The following ADAMTSL3 variants were observed in gnomAD, a reference collection of about 807,000 sequenced individuals.
The protein encoded by ADAMTSL3 is ADAMTS-like protein 3.
A neutral mutation model predicts 201.7 loss-of-function variants in ADAMTSL3; 128 were observed. The ratio of observed to expected loss-of-function variants is 0.63; its 90% CI spans 0.55 to 0.73. The LOEUF is 0.73. Ranked by LOEUF, ADAMTSL3 falls within the 30% of genes least tolerant of loss-of-function variation. The pLI, the probability that ADAMTSL3 is intolerant of heterozygous loss-of-function variation, is 0.00. For missense variants in ADAMTSL3, 1,990 were observed against 2,119.6 expected, an observed-to-expected ratio of 0.94 and a Z score of 1.20; for synonymous variants, 738 against 748.4, an observed-to-expected ratio of 0.99 and a Z score of 0.23.
chr15:84,002,273 T>C (rs1442904854), intron 23 of ADAMTSL3, among the ~76,000 whole-genome samples: 1 of 152,184 alleles, frequency 6.6e-6, no homozygotes, highest in Non-Finnish European at 1.5e-5. Context: ...ACCTTGTGCT[T>C]TGGCTTATGG....
intron 3 of ADAMTSL3, among the ~76,000 whole-genome samples, chr15:83,721,057 A>G (rs1162356014): frequency 6.6e-6 from 1 of 152,252 alleles, no homozygotes; most frequent in Admixed American, 6.5e-5. Context: ...CCCCAGGTTC[A>G]GATGATGAGT....
chr15:83,759,012 A>G (rs1226496642), intron 3 of ADAMTSL3, among the ~76,000 whole-genome samples: 1 of 152,104 alleles, frequency 6.6e-6, no homozygotes. Flanking sequence ...GTGTTCTGGC[A>G]TTAGATGTTG....
chr15:83,969,934 A>C (rs969231636), intron 19 of ADAMTSL3, among the ~76,000 whole-genome samples: 1 of 152,196 alleles, frequency 6.6e-6, no homozygotes, highest in Non-Finnish European at 1.5e-5. Context: ...ACAAAAAACA[A>C]AAGGGAACTT....
intron 27 of ADAMTSL3, among the ~76,000 whole-genome samples, chr15:84,030,572 C>G (rs1434831625): frequency 6.6e-6 from 1 of 152,182 alleles, no homozygotes; most frequent in Non-Finnish European, 1.5e-5. Context: ...TTTCATGTTA[C>G]AGGCTCATAG....
chr15:83,850,973 G>T (rs897900186), intron 7 of ADAMTSL3, among the ~76,000 whole-genome samples: 4 of 152,148 alleles, frequency 2.6e-5, no homozygotes, highest in Non-Finnish European at 1.5e-5. Context: ...TCAAAATGTG[G>T]CTCACAGTCT....
At chr15:83,998,033 A>C (rs1480045276) in intron 23 of ADAMTSL3, among the ~76,000 whole-genome samples, 1 of 152,140 alleles carries the variant, frequency 6.6e-6, no homozygotes, top group African/African-American at 2.4e-5. Flanking sequence ...AGGAAGAAAA[A>C]AAAAAAACAA....
intron 3 of ADAMTSL3, among the ~76,000 whole-genome samples, chr15:83,769,492 T>C (rs2062943876): frequency 1.3e-5 from 2 of 152,220 alleles, no homozygotes; most frequent in South Asian, 4.1e-4. Flanking sequence ...TGAACAGTGG[T>C]CTAATTAGAA....
chr15:83,921,667 A>G (rs1350224383), intron 16 of ADAMTSL3, among the ~76,000 whole-genome samples: 1 of 152,140 alleles, frequency 6.6e-6, no homozygotes, highest in Non-Finnish European at 1.5e-5. Context: ...ATATTAATTT[A>G]TTTCTTGATG....
intron 3 of ADAMTSL3, among the ~76,000 whole-genome samples, chr15:83,764,562 G>A (rs1485330612): frequency 6.6e-6 from 1 of 152,018 alleles, no homozygotes; most frequent in African/African-American, 2.4e-5. Context: ...GTGGGTTGCT[G>A]TGGGCTCTGA....
At chr15:84,016,226 A>G (rs17371460) in intron 24 of ADAMTSL3, among the ~76,000 whole-genome samples, 157 bp from the exon 25 acceptor site, 3,580 of 152,246 alleles carry the variant, frequency 0.024, 67 homozygotes, top group Non-Finnish European at 0.037. Flanking sequence ...ATACTTATAC[A>G]CACCTCCCAG....
intron 2 of ADAMTSL3, among the ~76,000 whole-genome samples, chr15:83,661,901 A>G (rs12148469): frequency 0.46 from 62,833 of 136,182 alleles, 14,744 homozygotes; most frequent in African/African-American, 0.54. Flanking sequence ...TAGAATGGCA[A>G]TCATTAAAAA....
Position 83,932,916 on chromosome 15 carries a change from G to A in ADAMTSL3, c.2117+8883G>A, listed in dbSNP as rs765077979. Among the ~76,000 whole-genome samples the A allele has an allele frequency of 8.0e-4, 122 of 152,204 alleles. 1 individual carries two copies. The highest frequency in any genetic ancestry group is 1.3e-3 in the Non-Finnish European group (90 of 68,004). ...GAATTATCAGGTACAGAATATAAAC[G>A]TATTTATTTAAAATGTTTACATATA... On this transcript the variant is annotated intron_variant, in intron 17 of 29. Coordinates refer to ENST00000286744, the MANE Select transcript of ADAMTSL3 (RefSeq NM_207517.3).
intron 24 of ADAMTSL3, 122 bp from the exon 25 acceptor site, chr15:84,016,261 C>T (rs1475964911): frequency 1.4e-6 from 1 of 705,412 alleles, no homozygotes; most frequent in South Asian, 1.8e-5. Context: ...GCTTGAGTAT[C>T]CAGGAGCACA....
chr15:83,853,165 A>AT (rs1596316207), intron 7 of ADAMTSL3, among the ~76,000 whole-genome samples: 1 of 152,294 alleles, frequency 6.6e-6, no homozygotes, highest in Non-Finnish European at 1.5e-5. Context: ...GGTTGTGCCC[A>AT]TTTTTTAAAA....
chr15:83,853,946 A>G (rs2064675955), intron 7 of ADAMTSL3, among the ~76,000 whole-genome samples: 3 of 150,458 alleles, frequency 2.0e-5, no homozygotes, highest in Admixed American at 6.6e-5. Flanking sequence ...CTATCTATCT[A>G]TCTATCTATC....
At chr15:83,743,966 T>G (rs989431228) in intron 3 of ADAMTSL3, among the ~76,000 whole-genome samples, 3 of 152,094 alleles carry the variant, frequency 2.0e-5, no homozygotes, top group Non-Finnish European at 4.4e-5. Context: ...TTCTCCTGCC[T>G]CAGCCTCCTG....
chr15:83,940,324 C>T (rs937353937), intron 17 of ADAMTSL3, among the ~76,000 whole-genome samples: 2 of 152,122 alleles, frequency 1.3e-5, no homozygotes, highest in Non-Finnish European at 2.9e-5. Context: ...AACAAAATAC[C>T]GTAAGGGTGG....
intron 3 of ADAMTSL3, among the ~76,000 whole-genome samples, chr15:83,745,399 C>T (rs1011388492): frequency 6.6e-6 from 1 of 152,196 alleles, no homozygotes; most frequent in African/African-American, 2.4e-5. Context: ...CATGAAAAGG[C>T]AGAGAGCCCA....
chr15:83,801,039 T>G (rs2063507181), intron 4 of ADAMTSL3, among the ~76,000 whole-genome samples: 1 of 152,170 alleles, frequency 6.6e-6, no homozygotes, highest in Non-Finnish European at 1.5e-5. Flanking sequence ...CCAGTACATT[T>G]TTTTCTACCA....
Sources: allele counts gnomAD v4.1 joint callset (sites outside exome capture counted in the v4.1 genomes callset), GRCh38; gene constraint gnomAD v4.1.1; transcripts MANE v1.5; gene names NCBI Gene and HGNC (gene_info 2026-07-23, HGNC 2026-07-21).